The following NCALD variants were observed in gnomAD, a reference collection of about 807,000 sequenced individuals.
NCALD encodes neurocalcin delta.
A neutral mutation model predicts 18.6 loss-of-function variants in NCALD; 10 were observed. That is an observed-to-expected ratio of 0.54 (90% CI 0.33 to 0.91). The LOEUF (loss-of-function observed/expected upper bound fraction) is 0.91. Among genes scored for constraint, NCALD ranks in the 40% least tolerant of loss-of-function variants. The pLI is 0.03. For missense variants in NCALD, 184 were observed against 247.6 expected (o/e 0.74, Z 1.72); for synonymous variants, 88 against 87.4 (o/e 1.01, Z -0.04).
At chr8:101,888,337 G>A (rs186412122) in intron 3 of NCALD, among the ~76,000 whole-genome samples, 42 of 152,276 alleles carry the variant, frequency 2.8e-4, no homozygotes, top group African/African-American at 9.1e-4. Flanking sequence ...AAAAGAGAAT[G>A]AGTGGAAGTT....
chr8:101,713,570 T>C (rs955888980), intron 2 of NCALD, among the ~76,000 whole-genome samples: 3 of 152,004 alleles, frequency 2.0e-5, no homozygotes, highest in East Asian at 3.9e-4. Context: ...AAGAATCTAA[T>C]TGACACAATA....
chr8:101,686,684 C>T lies in NCALD; in HGVS notation c.*2625G>A, dbSNP rs1814487188. Reference sequence around the variant, plus strand: ...ATACAGATGGGATGGGACAGCACCCCCAGCTCCCTCCCACTCTGAATGATG... The same window carrying T: ...ATACAGATGGGATGGGACAGCACCCTCAGCTCCCTCCCACTCTGAATGATG... On this transcript the variant is annotated 3_prime_UTR_variant, in exon 4 of 4. Transcript: ENST00000220931. 1.3e-5 allele frequency: 2 copies of T among 152,658 alleles called. No homozygotes were observed. The highest frequency in any genetic ancestry group is 4.2e-4 in the South Asian group (2 of 4,812). 9.5% of individuals were successfully genotyped at this position (152,658 alleles called of 1,614,324 possible).
In NCALD at chr8:102,118,916, T is replaced by C. The variant is rs906978601; in HGVS notation, c.-210+5321A>G. 8.5e-5 allele frequency among the ~76,000 whole-genome samples: 13 copies of C among 152,212 alleles called. 1 individual carries two copies. The highest frequency in any genetic ancestry group is 7.9e-4 in the Admixed American group (12 of 15,284). ...CATTTCACACCTACTAGCATGGCTA[T>C]TATATTAAAAGAAAAAACAGAAAAT... On this transcript the variant is annotated intron_variant, in intron 1 of 6. Coordinates refer to the NCALD transcript ENST00000311028.
intron 1 of NCALD, among the ~76,000 whole-genome samples, chr8:101,740,295 C>T (rs759518804): frequency 4.6e-5 from 7 of 152,186 alleles, no homozygotes; most frequent in Admixed American, 2.0e-4. Flanking sequence ...AAGGCCAGTC[C>T]CTTCTTGCAT....
At chr8:101,754,577 T>C (rs1810795148) in intron 1 of NCALD, among the ~76,000 whole-genome samples, 1 of 152,132 alleles carries the variant, frequency 6.6e-6, no homozygotes, top group Non-Finnish European at 1.5e-5. Context: ...ACTAATCCCA[T>C]TCATGACATA....
At chr8:102,057,766 C>T (rs1176930110) in intron 1 of NCALD, among the ~76,000 whole-genome samples, 1 of 152,230 alleles carries the variant, frequency 6.6e-6, no homozygotes, top group African/African-American at 2.4e-5. Context: ...TTCCTTTCCT[C>T]TTATCCTTTC....
intron 4 of NCALD, among the ~76,000 whole-genome samples, chr8:101,834,020 C>T (rs1486753315): frequency 2.6e-5 from 4 of 152,090 alleles, no homozygotes; most frequent in Admixed American, 1.3e-4. Context: ...TTTATAATAG[C>T]CCTAGGGAAA....
intron 1 of NCALD, among the ~76,000 whole-genome samples, chr8:101,763,518 C>A (rs147186215): frequency 2.6e-5 from 4 of 152,202 alleles, no homozygotes; most frequent in Admixed American, 2.6e-4. Flanking sequence ...TGTGTGTGAT[C>A]GTTCATCTTA....
At chr8:101,725,041 CCT>C (rs1816512949) in intron 1 of NCALD, among the ~76,000 whole-genome samples, 1 of 152,154 alleles carries the variant, frequency 6.6e-6, no homozygotes, top group South Asian at 2.1e-4. Context: ...AGGCAAAGCC[CCT>C]GTTTTCATGG....
chr8:102,043,796 G>A (rs948510550), intron 1 of NCALD, among the ~76,000 whole-genome samples: 2 of 151,698 alleles, frequency 1.3e-5, no homozygotes, highest in East Asian at 1.9e-4. Flanking sequence ...AGCAGCAGCT[G>A]TATGTGTTGT....
chr8:101,935,535 C>T (rs892622884), intron 2 of NCALD, among the ~76,000 whole-genome samples: 10 of 151,992 alleles, frequency 6.6e-5, no homozygotes, highest in South Asian at 6.2e-4. Flanking sequence ...GGGAGTAATC[C>T]GTGATGTCCA....
chr8:101,895,086 T>C (rs987359508), intron 3 of NCALD, among the ~76,000 whole-genome samples: 1 of 150,580 alleles, frequency 6.6e-6, no homozygotes, highest in African/African-American at 2.5e-5. Flanking sequence ...ACCAATATCC[T>C]TGATGAACAT....
At chr8:101,940,510 A>C (rs1041227945) in intron 2 of NCALD, among the ~76,000 whole-genome samples, 1 of 152,220 alleles carries the variant, frequency 6.6e-6, no homozygotes, top group African/African-American at 2.4e-5. Flanking sequence ...ACAGCACTAG[A>C]TATTTGAATC....
Position 101,917,812 on chromosome 8 carries a change from T to C in NCALD, c.-156-1954A>G, listed in dbSNP as rs147489879. 9.6e-3 allele frequency among the ~76,000 whole-genome samples: 1,462 copies of C among 152,140 alleles called. 15 individuals are homozygous for C. Among genetic ancestry groups the C allele is most frequent in the Non-Finnish European group, 0.016 (1,060 of 67,908 alleles). ...CCCTTAGCAGACCAATATCAAGTTTTGAACTTGAAGCAATAATTTTTTAAA... is the reference window on the plus strand; with the variant it reads ...CCCTTAGCAGACCAATATCAAGTTTCGAACTTGAAGCAATAATTTTTTAAA... On this transcript the variant is annotated intron_variant, in intron 2 of 6. Coordinates refer to the NCALD transcript ENST00000311028.
intron 4 of NCALD, among the ~76,000 whole-genome samples, chr8:101,880,161 C>G (rs1046491239): frequency 5.9e-5 from 9 of 152,292 alleles, no homozygotes; most frequent in East Asian, 5.8e-4. Context: ...GTAGCTGAGG[C>G]CCGGCGAGAA....
rs531760181 is a variant in NCALD at position 101,801,234 on chromosome 8, G to T, written c.-19-81586C>A. On this transcript the variant is annotated intron_variant, in intron 4 of 6. Coordinates refer to the NCALD transcript ENST00000311028. ...ATATGTACACATTTAATAGCATCAAGATAAATTTTAAAAATCACAATCAAA... is the reference window on the plus strand; with the variant it reads ...ATATGTACACATTTAATAGCATCAATATAAATTTTAAAAATCACAATCAAA... Among the ~76,000 whole-genome samples, 39 of 152,076 alleles carry T rather than the reference G, an allele frequency of 2.6e-4. 1 individual carries two copies. The East Asian group carries it at 5.4e-3, about 21-fold the overall frequency.
intron 1 of NCALD, among the ~76,000 whole-genome samples, chr8:102,096,154 G>C (rs1825090052): frequency 6.6e-6 from 1 of 152,220 alleles, no homozygotes; most frequent in Admixed American, 6.5e-5. Flanking sequence ...ACTGGTCCAA[G>C]GGATGAGGCT....
At chr8:101,872,116 T>C in intron 4 of NCALD, 6 of 1,602,076 alleles carry the variant, frequency 3.7e-6, no homozygotes, top group South Asian at 1.1e-5. Flanking sequence ...TTTGATAAAT[T>C]TGACATCAGG....
At chr8:101,703,886 C>T (rs1022794758) in intron 2 of NCALD, among the ~76,000 whole-genome samples, 1 of 152,094 alleles carries the variant, frequency 6.6e-6, no homozygotes, top group African/African-American at 2.4e-5. Flanking sequence ...ACAGTCTACA[C>T]AAGTCCTGGG....
Sources: allele counts gnomAD v4.1 joint callset (sites outside exome capture counted in the v4.1 genomes callset), GRCh38; gene constraint gnomAD v4.1.1; transcripts MANE v1.5; gene names NCBI Gene and HGNC (gene_info 2026-07-23, HGNC 2026-07-21).